TEK: variants seen among roughly 807,000 people sequenced by gnomAD.
TEK encodes the protein angiopoietin-1 receptor.
Under a neutral mutation model 131.8 loss-of-function variants are expected in TEK, and 43 were observed. That is an observed-to-expected ratio of 0.33 (90% confidence interval 0.26 to 0.42). The LOEUF (loss-of-function observed/expected upper bound fraction) is 0.42. TEK is among the 10% of genes least tolerant of loss of function. The pLI, the probability that TEK is intolerant of heterozygous loss-of-function variation, is 1.00. For missense variants in TEK, 1,162 were observed against 1,384.4 expected (o/e 0.84, Z 2.55); for synonymous variants, 580 against 491.6 (o/e 1.18, Z -2.38).
chr9:27,222,722 T>C (rs1826136417), intron 21 of TEK, among the ~76,000 whole-genome samples: 1 of 151,968 alleles, frequency 6.6e-6, no homozygotes, highest in Middle Eastern at 3.4e-3. Flanking sequence ...GCACTCAACA[T>C]GGAAAGGAAA....
chr9:27,183,617 G>A lies in TEK; in HGVS notation c.1182+7G>A, dbSNP rs1240150059. 2 of 1,613,590 alleles carry A rather than the reference G, an allele frequency of 1.2e-6. No individual in the cohort carries two copies. The highest frequency in any genetic ancestry group is 1.1e-5 in the South Asian group (1 of 91,074). Reference sequence around the variant, plus strand: ...GGATGGGACAGTGCTCCATGTAAGAGCCATTCTTAATTTGCCCTTCTTAAA... The same window carrying A: ...GGATGGGACAGTGCTCCATGTAAGAACCATTCTTAATTTGCCCTTCTTAAA... On this transcript the variant is annotated splice_region_variant and intron_variant, in intron 8 of 22. Coordinates refer to ENST00000380036, the MANE Select transcript of TEK (RefSeq NM_000459.5).
chr9:27,216,531 G>C (rs1009591812), intron 18 of TEK, among the ~76,000 whole-genome samples: 2 of 152,170 alleles, frequency 1.3e-5, no homozygotes, highest in South Asian at 4.1e-4. Flanking sequence ...GGTGTGGACA[G>C]AGAGTGAAGG....
intron 9 of TEK, 61 bp downstream of exon 9, chr9:27,185,690 G>T: frequency 6.2e-7 from 1 of 1,601,954 alleles, no homozygotes; most frequent in East Asian, 2.2e-5. Context: ...TTGTATTGCT[G>T]CTTCTAGACA....
intron 1 of TEK, among the ~76,000 whole-genome samples, chr9:27,127,146 G>C (rs1822017986): frequency 3.3e-5 from 5 of 152,064 alleles, no homozygotes; most frequent in Admixed American, 3.3e-4. Context: ...TCCCCTGACA[G>C]GTCCCGGTGT....
intron 1 of TEK, among the ~76,000 whole-genome samples, chr9:27,156,937 C>CTCTTT (rs1823351981): frequency 6.6e-6 from 1 of 150,682 alleles, no homozygotes; most frequent in African/African-American, 2.4e-5. Flanking sequence ...AGAGAATAGA[C>CTCTTT]ACAGACTCTA....
chr9:27,122,288 G>A (rs550342364), intron 1 of TEK, among the ~76,000 whole-genome samples: 1 of 152,292 alleles, frequency 6.6e-6, no homozygotes, highest in African/African-American at 2.4e-5. Context: ...CATGGAAACT[G>A]GAGTGAGCAA....
At chr9:27,135,655 C>G (rs941496429) in intron 1 of TEK, among the ~76,000 whole-genome samples, 1 of 152,060 alleles carries the variant, frequency 6.6e-6, no homozygotes, top group Non-Finnish European at 1.5e-5. Context: ...TACAGATGAC[C>G]AATCTGAGGC....
chr9:27,195,668 G>A (rs1458924100), intron 11 of TEK: 2 of 455,958 alleles, frequency 4.4e-6, no homozygotes, highest in Non-Finnish European at 8.8e-6. Context: ...TTCCTCCTTT[G>A]TCCAGTGACA....
At chr9:27,208,466 T>C (rs1825482769) in intron 15 of TEK, among the ~76,000 whole-genome samples, 1 of 152,162 alleles carries the variant, frequency 6.6e-6, no homozygotes, top group African/African-American at 2.4e-5. Flanking sequence ...CTGGTTAAAG[T>C]GCTAGTGGAG....
intron 20 of TEK, among the ~76,000 whole-genome samples, chr9:27,219,724 T>C (rs1194619482): frequency 2.6e-5 from 4 of 151,120 alleles, no homozygotes; most frequent in Non-Finnish European, 5.9e-5. Context: ...GGACTTCCAA[T>C]CAGAAAAAAA....
At position 27,148,471 on chromosome 9, in the gene TEK, T is replaced by C. The variant is rs1587518156; in HGVS notation, c.53-9360T>C. Among the ~76,000 whole-genome samples, 11 of 152,350 alleles carry C rather than the reference T, an allele frequency of 7.2e-5. No individual in the cohort carries two copies. The South Asian group carries it at 2.3e-3, about 32-fold the overall frequency. Reference sequence around the variant, plus strand: ...AACTCTTTGGCTTAAGCTGGATTGGTCTCTCATCCTCTAGCGGGTTAGTCT... The same window carrying C: ...AACTCTTTGGCTTAAGCTGGATTGGCCTCTCATCCTCTAGCGGGTTAGTCT... On this transcript the variant is annotated intron_variant, in intron 1 of 22. Coordinates refer to ENST00000380036, the MANE Select transcript of TEK (RefSeq NM_000459.5).
chr9:27,157,944 A>C lies in TEK; in HGVS notation c.166A>C (p.Thr56Pro), dbSNP rs778455109. ...TGGGTGGCGCCCCCATGAGCCCATC[A>C]CCATAGGAAGGGACTTTGAAGCCTT... is the stretch of plus-strand genomic sequence containing the variant. ...ASGWRPHEPITIGRDFEALMN... is the reference protein window; with the variant it reads ...ASGWRPHEPIPIGRDFEALMN... The change falls in exon 2 of 23, where the codon ACC becomes CCC. Residue 56 changes from threonine (T) to proline (P), a missense_variant. Physicochemically the swap from Thr to Pro is conservative, Grantham distance 38 (BLOSUM62 -1). Transcript: ENST00000380036. 1 of 1,614,012 alleles carries C rather than the reference A, an allele frequency of 6.2e-7. No homozygotes were observed. Among genetic ancestry groups the C allele is most frequent in the Non-Finnish European group, 8.5e-7 (1 of 1,180,000 alleles).
intron 1 of TEK, among the ~76,000 whole-genome samples, chr9:27,128,360 T>A (rs1169960937): frequency 6.6e-6 from 1 of 152,208 alleles, no homozygotes; most frequent in Admixed American, 6.5e-5. Context: ...AGCAGTACCA[T>A]GCTGTTTTGG....
intron 20 of TEK, among the ~76,000 whole-genome samples, chr9:27,219,107 G>T (rs948529494): frequency 6.6e-6 from 1 of 152,040 alleles, no homozygotes; most frequent in Non-Finnish European, 1.5e-5. Flanking sequence ...AGATTATGCA[G>T]CTATTAAAAG....
intron 7 of TEK, among the ~76,000 whole-genome samples, chr9:27,182,987 G>A (rs680399): frequency 0.75 from 114,816 of 152,168 alleles, 43,713 homozygotes; most frequent in African/African-American, 0.83. Flanking sequence ...GACATCTCTC[G>A]TATATCTAAA....
chr9:27,217,085 A>G (rs927954550), intron 18 of TEK, among the ~76,000 whole-genome samples: 8 of 152,206 alleles, frequency 5.3e-5, no homozygotes, highest in African/African-American at 1.9e-4. Flanking sequence ...CCAGGCATCG[A>G]AAGGATCAGT....
At chr9:27,125,980 C>T (rs544988401) in intron 1 of TEK, among the ~76,000 whole-genome samples, 1 of 152,264 alleles carries the variant, frequency 6.6e-6, no homozygotes, top group South Asian at 2.1e-4. Flanking sequence ...CAGAAACTTG[C>T]AGCTAAGGAG....
At chr9:27,227,078 T>C (rs1459972614) in intron 21 of TEK, among the ~76,000 whole-genome samples, 1 of 152,196 alleles carries the variant, frequency 6.6e-6, no homozygotes, top group Admixed American at 6.5e-5. Flanking sequence ...GAAGATTTTT[T>C]AGTCTTTAAG....
chr9:27,166,516 T>C (rs1357622601), intron 2 of TEK, among the ~76,000 whole-genome samples: 1 of 152,252 alleles, frequency 6.6e-6, no homozygotes, highest in Non-Finnish European at 1.5e-5. Flanking sequence ...TTCCTGAACA[T>C]GACACGTGAA....
Sources: gnomAD v4.1 joint callset for allele counts (sites outside exome capture counted in the v4.1 genomes callset) on GRCh38, gnomAD v4.1.1 for gene constraint, MANE v1.5 for transcripts, NCBI Gene and HGNC (gene_info 2026-07-23, HGNC 2026-07-21) for gene names.